The following HPS3 variants were observed in gnomAD, a reference collection of about 807,000 sequenced individuals.
The protein encoded by HPS3 is HPS3 biogenesis of lysosomal organelles complex 2 subunit 1.
A neutral mutation model predicts 110.9 loss-of-function variants in HPS3; 79 were observed. The ratio of observed to expected loss-of-function variants is 0.71; its 90% CI spans 0.59 to 0.86. The LOEUF is 0.86. Among genes scored for constraint, HPS3 ranks in the 40% least tolerant of loss-of-function variants. The pLI is 0.00. For synonymous variants in HPS3, 428 were observed against 451.0 expected (o/e 0.95, Z 0.65); for missense variants, 1,197 against 1,206.2 (o/e 0.99, Z 0.11).
intron 6 of HPS3, 113 bp from the exon 7 acceptor site, chr3:149,153,381 G>T: frequency 1.1e-6 from 1 of 873,378 alleles, no homozygotes; most frequent in East Asian, 2.4e-5. Flanking sequence ...GGTGGTGGTG[G>T]GTATGGGATG....
intron 8 of HPS3, among the ~76,000 whole-genome samples, chr3:149,155,565 T>C (rs934456584): frequency 1.3e-5 from 2 of 152,144 alleles, no homozygotes; most frequent in African/African-American, 4.8e-5. Flanking sequence ...TCTAGGATTA[T>C]GTATCCCTGT....
At chr3:149,159,756 G>A (rs2108162395) in intron 10 of HPS3, among the ~76,000 whole-genome samples, 1 of 152,192 alleles carries the variant, frequency 6.6e-6, no homozygotes, top group African/African-American at 2.4e-5. Context: ...TCAATCAAAT[G>A]TTTATTTTCT....
intron 1 of HPS3, among the ~76,000 whole-genome samples, chr3:149,132,770 G>A (rs946696266): frequency 6.6e-6 from 1 of 152,184 alleles, no homozygotes; most frequent in Non-Finnish European, 1.5e-5. Flanking sequence ...CATCTGGAAA[G>A]AATTCACTCT....
intron 4 of HPS3, among the ~76,000 whole-genome samples, chr3:149,144,882 G>A (rs1722697583): frequency 6.6e-6 from 1 of 151,914 alleles, no homozygotes; most frequent in African/African-American, 2.4e-5. Flanking sequence ...TTCTTGAAAT[G>A]GTAATATTTT....
In HPS3 at chr3:149,153,524, G is replaced by C; in HGVS notation, c.1276G>C (p.Ala426Pro). The change falls in exon 7 of 17, where the codon GCT becomes CCT. Residue 426 changes from alanine to proline, a missense_variant. By Grantham distance (27) the Ala-to-Pro change is conservative (BLOSUM62 -1). Transcript: ENST00000296051. Reference sequence around the variant, plus strand: ...CCCACCTGTCAGTATGGATGTCTGTGCTTTAAGAATACAGCTTTTCATAGG... The same window carrying C: ...CCCACCTGTCAGTATGGATGTCTGTCCTTTAAGAATACAGCTTTTCATAGG... ...ACPPVSMDVCALRIQLFIGLK... is the reference protein window; with the variant it reads ...ACPPVSMDVCPLRIQLFIGLK... 1 of 1,614,038 alleles carries C rather than the reference G, an allele frequency of 6.2e-7. No individual in the cohort carries two copies. Among genetic ancestry groups the C allele is most frequent in the Non-Finnish European group, 8.5e-7 (1 of 1,179,916 alleles).
chr3:149,168,406 C>A, intron 16 of HPS3: 1 of 201,272 alleles, frequency 5.0e-6, no homozygotes, highest in Non-Finnish European at 1.0e-5. Flanking sequence ...AGTTGAGTAT[C>A]TAAATTGTAC....
At position 149,163,890 on chromosome 3, in the gene HPS3, G is replaced by A. The variant is rs758569835; in HGVS notation, c.2530G>A (p.Val844Ile). The A allele has an allele frequency of 3.7e-5, 59 of 1,585,862 alleles. No individual in the cohort carries two copies. Among genetic ancestry groups the A allele is most frequent in the Middle Eastern group, 1.7e-4 (1 of 5,974 alleles). The change falls in exon 14 of 17, where the codon GTA (valine) becomes ATA (isoleucine). Residue 844 changes from valine (V) to isoleucine (I), a missense_variant. By Grantham distance (29) the Val-to-Ile change is conservative. Transcript: ENST00000296051. The stretch of plus-strand genomic sequence containing the variant: ...CTTAATTTATCCATGGGTTCACGTC[G>A]TAATATCATCTGATTCTTTAGCTGA... ...YGLIYPWVHV[V>I]ISSDSLADKN...
chr3:149,167,790 T>A, intron 15 of HPS3, 103 bp from the exon 16 acceptor site: 1 of 754,968 alleles, frequency 1.3e-6, no homozygotes, highest in Non-Finnish European at 2.4e-6. Context: ...GACAAAATGA[T>A]GTATTTTTGC....
intron 16 of HPS3, among the ~76,000 whole-genome samples, chr3:149,170,139 A>T (rs1233314549): frequency 5.9e-5 from 9 of 152,222 alleles, no homozygotes; most frequent in Non-Finnish European, 8.8e-5. Flanking sequence ...TTATACATGA[A>T]AGTGCTTTAT....
At chr3:149,166,309 A>G (rs1724409129) in intron 14 of HPS3, among the ~76,000 whole-genome samples, 2 of 152,148 alleles carry the variant, frequency 1.3e-5, no homozygotes, top group Admixed American at 1.3e-4. Flanking sequence ...GTTAAATTTT[A>G]TTTTTGCATA....
At chr3:149,146,038 C>G (rs984487862) in intron 5 of HPS3, among the ~76,000 whole-genome samples, 2 of 152,218 alleles carry the variant, frequency 1.3e-5, no homozygotes, top group African/African-American at 2.4e-5. Context: ...TGGCCAAAGT[C>G]ATGTGCTAAT....
intron 5 of HPS3, among the ~76,000 whole-genome samples, chr3:149,148,704 CA>C (rs1351912713): frequency 6.6e-6 from 1 of 151,634 alleles, no homozygotes; most frequent in East Asian, 1.9e-4. Flanking sequence ...CATGCCCGGC[CA>C]TTTTTTTTTT....
chr3:149,163,702 C>A, intron 13 of HPS3, 140 bp from the exon 14 acceptor site: 1 of 585,216 alleles, frequency 1.7e-6, no homozygotes, highest in East Asian at 2.9e-5. Flanking sequence ...TTCTTAAAAA[C>A]TTTCCTTCCC....
At chr3:149,165,106 C>T (rs570241644) in intron 14 of HPS3, among the ~76,000 whole-genome samples, 8 of 152,220 alleles carry the variant, frequency 5.3e-5, no homozygotes, top group South Asian at 2.1e-4. Context: ...TCTCTTGTCT[C>T]TAGTACTATT....
intron 6 of HPS3, 70 bp from the exon 7 acceptor site, chr3:149,153,420 AACTG>A (rs1452640777): frequency 4.6e-6 from 6 of 1,297,918 alleles, no homozygotes; most frequent in Middle Eastern, 2.2e-4. Flanking sequence ...TGATCAAATA[AACTG>A]ACTGATTTTT....
At chr3:149,145,697 A>G (rs368134155) in intron 5 of HPS3, 151 bp downstream of exon 5, 10 of 729,644 alleles carry the variant, frequency 1.4e-5, no homozygotes, top group Admixed American at 2.0e-5. Flanking sequence ...TTGATGACCC[A>G]TACCTGCCTT....
intron 14 of HPS3, chr3:149,166,071 G>C: frequency 2.2e-6 from 1 of 453,488 alleles, no homozygotes; most frequent in South Asian, 1.6e-5. Context: ...AAGGGTACAG[G>C]GACAAGAAAA....
chr3:149,142,362 G>C (rs1722529918), intron 4 of HPS3, among the ~76,000 whole-genome samples: 1 of 152,206 alleles, frequency 6.6e-6, no homozygotes, highest in African/African-American at 2.4e-5. Context: ...TGAATTAGGT[G>C]TAAAAATGTG....
chr3:149,141,490 C>A, intron 4 of HPS3, 110 bp downstream of exon 4: 1 of 821,416 alleles, frequency 1.2e-6, no homozygotes, highest in Non-Finnish European at 2.1e-6. Context: ...GGTTCTTCCA[C>A]TGGAGTCTCC....
Sources: gnomAD v4.1 joint callset for allele counts (sites outside exome capture counted in the v4.1 genomes callset) on GRCh38, gnomAD v4.1.1 for gene constraint, MANE v1.5 for transcripts, NCBI Gene and HGNC (gene_info 2026-07-23, HGNC 2026-07-21) for gene names.